Variants in TM7SF3 observed in about 807,000 individuals in gnomAD.
TM7SF3 encodes transmembrane 7 superfamily member 3.
In TM7SF3, 60 loss-of-function variants were observed where a neutral mutation model predicts 65.5. The ratio of observed to expected loss-of-function variants is 0.92; its 90% CI spans 0.74 to 1.14. TM7SF3 has a LOEUF of 1.14. TM7SF3 is among the 50% of genes most tolerant of loss of function. The probability of loss-of-function intolerance (pLI) is 0.00; values close to 1 mark genes in which losing one functional copy is unlikely to be tolerated. For missense variants in TM7SF3, 623 were observed against 684.8 expected (o/e 0.91, Z 1.01); for synonymous variants, 264 against 259.6 (o/e 1.02, Z -0.16).
chr12:26,999,482 C>A (rs1940740535), intron 3 of TM7SF3, 44 bp downstream of exon 3: 1 of 1,586,242 alleles, frequency 6.3e-7, no homozygotes, highest in Non-Finnish European at 8.6e-7. Flanking sequence ...TGAACACATT[C>A]CATATTCCAA....
At chr12:26,992,242 T>C (rs1940397793) in intron 5 of TM7SF3, among the ~76,000 whole-genome samples, 1 of 152,160 alleles carries the variant, frequency 6.6e-6, no homozygotes. Flanking sequence ...TTGAACAAAA[T>C]CATCTAACAC....
intron 1 of TM7SF3, among the ~76,000 whole-genome samples, chr12:27,006,464 T>C (rs1941041573): frequency 1.3e-5 from 2 of 151,962 alleles, no homozygotes; most frequent in Admixed American, 6.6e-5. Context: ...GTTTATAAAA[T>C]AGGAACACAC....
chr12:26,980,484 C>T (rs2136383486), intron 8 of TM7SF3, 82 bp downstream of exon 8: 1 of 775,632 alleles, frequency 1.3e-6, no homozygotes, highest in East Asian at 2.5e-5. Flanking sequence ...ACAATATAGG[C>T]CAAACTGTAG....
intron 1 of TM7SF3, among the ~76,000 whole-genome samples, chr12:27,004,927 G>A (rs192205369): frequency 3.9e-5 from 6 of 152,268 alleles, no homozygotes; most frequent in East Asian, 1.9e-4. Flanking sequence ...TGGAACAGAG[G>A]TTAAAATATT....
In TM7SF3 at chr12:26,976,449, G is replaced by C. The variant is rs1311660295; in HGVS notation, c.1190-92C>G. 3.9e-6 allele frequency: 3 copies of C among 773,004 alleles called. No individual in the cohort carries two copies. In the African/African-American group the frequency reaches 5.3e-5, roughly 14 times the overall value. The allele number at this position is 773,004 out of a possible 1,614,324, so 47.9% of individuals were successfully genotyped here. A position where few individuals can be genotyped will look rare whatever the true frequency, so the allele number is the denominator to read the frequency against. On this transcript the variant is annotated intron_variant, in intron 9 of 11. Transcript: ENST00000343028. ...CATCTGAACACAGATATACATCAAA[G>C]CCTTAAAGTAACAACCAGGGAATAT...
At chr12:27,006,041 C>A (rs1397259869) in intron 1 of TM7SF3, among the ~76,000 whole-genome samples, 1 of 151,744 alleles carries the variant, frequency 6.6e-6, no homozygotes, top group Non-Finnish European at 1.5e-5. Context: ...CTCAAGCGAT[C>A]CGCCCATCTC....
chr12:26,975,578 G>C lies in TM7SF3; in HGVS notation c.1368C>G (p.Ser456=), dbSNP rs1435043340. 1.2e-6 allele frequency: 2 copies of C among 1,614,038 alleles called. No individual in the cohort carries two copies. Among genetic ancestry groups the C allele is most frequent in the African/African-American group, 2.7e-5 (2 of 74,928 alleles). The part of the protein sequence containing the change: ...AIDSYWSTSL[S]YITLNVLKRA... ...TCTTGAGTACGTTCAAAGTGATGTAGGAAAGGCTTGTGGACCAGTAACTGT... is the reference window on the plus strand; with the variant it reads ...TCTTGAGTACGTTCAAAGTGATGTACGAAAGGCTTGTGGACCAGTAACTGT... Residue 456 remains serine, a synonymous_variant, in exon 11 of 12, where the codon TCC becomes TCG. Transcript: ENST00000343028.
intron 1 of TM7SF3, chr12:27,012,626 C>CTGTT (rs1941287438): frequency 4.4e-6 from 2 of 456,016 alleles, no homozygotes; most frequent in Admixed American, 2.3e-5. Flanking sequence ...AAACCATGAG[C>CTGTT]TGTTGCCCAA....
At position 26,995,195 on chromosome 12, in the gene TM7SF3, G is replaced by T. The variant is rs748578866; in HGVS notation, c.690+42C>A. 22 of 1,584,266 alleles carry T rather than the reference G, an allele frequency of 1.4e-5. No individual in the cohort carries two copies. In the South Asian group the frequency reaches 2.1e-4, roughly 15 times the overall value. On this transcript the variant is annotated intron_variant, in intron 5 of 11. Coordinates refer to ENST00000343028, the MANE Select transcript of TM7SF3 (RefSeq NM_016551.3). ...TCTCCCCTTCTCAACTCTGACAAAG[G>T]TGTCACAATCCAGCCACACAAATCA...
chr12:26,975,319 T>C (rs1939518402), intron 11 of TM7SF3, among the ~76,000 whole-genome samples, 177 bp downstream of exon 11: 1 of 152,242 alleles, frequency 6.6e-6, no homozygotes, highest in African/African-American at 2.4e-5. Flanking sequence ...TTAAATGCTT[T>C]ACTCCCATGA....
intron 6 of TM7SF3, among the ~76,000 whole-genome samples, chr12:26,985,806 GTTTTTTTTTTT>G (rs149988617): frequency 7.6e-5 from 4 of 52,818 alleles, no homozygotes; most frequent in African/African-American, 2.5e-4. Context: ...TTTCTTTTTC[GTTTTTTTTTTT>G]TTTTTTTTTT....
At chr12:27,008,269 C>A (rs7977991) in intron 1 of TM7SF3, among the ~76,000 whole-genome samples, 1 of 151,986 alleles carries the variant, frequency 6.6e-6, no homozygotes, top group Non-Finnish European at 1.5e-5. Context: ...GATTTTAATT[C>A]GCACTTCCCT....
rs1024945847 is a variant in TM7SF3 at position 26,973,972 on chromosome 12, A to G, written c.1706T>C (p.Leu569Pro). 1 of 1,614,000 alleles carries G rather than the reference A, an allele frequency of 6.2e-7. No individual in the cohort carries two copies. The highest frequency in any genetic ancestry group is 8.5e-7 in the Non-Finnish European group (1 of 1,180,006). The change falls in exon 12 of 12, where the codon CTT (leucine) becomes CCT (proline). Residue 569 changes from leucine to proline, a missense_variant. By Grantham distance (98) the Leu-to-Pro change is moderately conservative (BLOSUM62 -3). Coordinates refer to ENST00000343028, the MANE Select transcript of TM7SF3 (RefSeq NM_016551.3). ...GACCAAGCCCCTGGGCATCTACAGA[A>G]GCAAAGGCGTTCTCTCTCCAGCTGG... is the stretch of plus-strand genomic sequence containing the variant. ...EQPAGERTPL[L>P]L
intron 5 of TM7SF3, among the ~76,000 whole-genome samples, chr12:26,991,546 A>G (rs1048229962): frequency 2.0e-5 from 3 of 152,252 alleles, no homozygotes; most frequent in Admixed American, 2.0e-4. Flanking sequence ...TACTAATTTG[A>G]GAAAAATAAA....
chr12:26,999,482 C>T, intron 3 of TM7SF3, 44 bp downstream of exon 3: 1 of 1,586,360 alleles, frequency 6.3e-7, no homozygotes. Flanking sequence ...TGAACACATT[C>T]CATATTCCAA....
chr12:26,997,908 C>T (rs533945665), intron 3 of TM7SF3, among the ~76,000 whole-genome samples: 8 of 149,296 alleles, frequency 5.4e-5, no homozygotes, highest in Non-Finnish European at 5.9e-5. Flanking sequence ...TCACTGCAAC[C>T]TCTGCCCACC....
intron 1 of TM7SF3, among the ~76,000 whole-genome samples, chr12:27,011,606 G>A (rs1300812792): frequency 6.6e-6 from 1 of 152,182 alleles, no homozygotes; most frequent in Non-Finnish European, 1.5e-5. Context: ...ATGGTTATCA[G>A]AATTATCATC....
At position 26,979,851 on chromosome 12, in the gene TM7SF3, G is replaced by A. The variant is rs770245019; in HGVS notation, c.1122C>T (p.Ile374=). The A allele has an allele frequency of 1.1e-5, 18 of 1,614,192 alleles. No homozygotes were observed. Among genetic ancestry groups the A allele is most frequent in the Non-Finnish European group, 1.5e-5 (18 of 1,180,020 alleles). ...AVWWRFGILS[I]CMLCVGLVLG... ...GCACTAGTCCAACACAGAGCATGCA[G>A]ATCGAGAGGATTCCAAATCGCCACC... The change falls in exon 9 of 12, where the codon ATC becomes ATT. Residue 374 remains isoleucine, a synonymous_variant. Coordinates refer to ENST00000343028, the MANE Select transcript of TM7SF3 (RefSeq NM_016551.3).
intron 5 of TM7SF3, among the ~76,000 whole-genome samples, chr12:26,994,509 G>A (rs1033579739): frequency 6.6e-6 from 1 of 152,166 alleles, no homozygotes; most frequent in African/African-American, 2.4e-5. Flanking sequence ...AACATGCCTG[G>A]CTAATTTTTG....
Sources: allele counts gnomAD v4.1 joint callset (sites outside exome capture counted in the v4.1 genomes callset), GRCh38; gene constraint gnomAD v4.1.1; transcripts MANE v1.5; gene names NCBI Gene and HGNC (gene_info 2026-07-23, HGNC 2026-07-21).